Variants in AHNAK2 observed in about 807,000 individuals in gnomAD.
AHNAK2 encodes AHNAK nucleoprotein 2, also known as protein AHNAK2.
A neutral mutation model predicts 30.7 loss-of-function variants in AHNAK2; 18 were observed. That is an observed-to-expected ratio of 0.59 (90% CI 0.41 to 0.87). AHNAK2 has a LOEUF of 0.87. Ranked by LOEUF, AHNAK2 falls within the 40% of genes least tolerant of loss-of-function variation. The probability of loss-of-function intolerance (pLI) is 0.00; values close to 1 mark genes in which losing one functional copy is unlikely to be tolerated. For missense variants in AHNAK2, 8,604 were observed against 7,373.0 expected (o/e 1.17, Z -6.11); for synonymous variants, 3,590 against 3,073.8 (o/e 1.17, Z -5.56).
rs1230454039 is a variant in AHNAK2, at chr14:104,952,737, G to A, written c.2714C>T (p.Pro905Leu). The change falls in exon 7 of 7, where the codon CCT (proline) becomes CTT (leucine). Residue 905 changes from proline (P) to leucine (L), a missense_variant. By Grantham distance (98) the Pro-to-Leu change is moderately conservative (BLOSUM62 -3). Transcript: ENST00000333244. ...TTTGGGGCCGGCTCCCTCGGGCACA[G>A]GGCCCTCCGGAAGTTTCACATCCAC... ...GQVDVKLPEG[P>L]VPEGAGPKVH... 5 of 1,612,506 alleles carry A rather than the reference G, an allele frequency of 3.1e-6. No individual in the cohort carries two copies. The highest frequency in any genetic ancestry group is 4.2e-6 in the Non-Finnish European group (5 of 1,179,556).
chr14:104,963,025 A>T (rs967095256), intron 1 of AHNAK2, among the ~76,000 whole-genome samples: 18 of 152,370 alleles, frequency 1.2e-4, no homozygotes, highest in African/African-American at 4.3e-4. Context: ...CTCATAATTT[A>T]AAACACTGGC....
chr14:104,957,602 G>A lies in AHNAK2; in HGVS notation c.114+12C>T. Reference sequence around the variant, plus strand: ...GTATGAGGAGGACACACTTCCTCCTGCTCTCACTTACAGAGTGGTCATCTT... The same window carrying A: ...GTATGAGGAGGACACACTTCCTCCTACTCTCACTTACAGAGTGGTCATCTT... On this transcript the variant is annotated intron_variant, in intron 2 of 6. Coordinates refer to ENST00000333244, the MANE Select transcript of AHNAK2 (RefSeq NM_138420.4). 1 of 1,609,602 alleles carries A rather than the reference G, an allele frequency of 6.2e-7. No homozygotes were observed. Among genetic ancestry groups the A allele is most frequent in the Non-Finnish European group, 8.5e-7 (1 of 1,178,364 alleles).
intron 4 of AHNAK2, among the ~76,000 whole-genome samples, chr14:104,956,089 G>A (rs113448957): frequency 0.017 from 2,621 of 152,246 alleles, 70 homozygotes; most frequent in African/African-American, 0.06. Flanking sequence ...TGCGAGACCT[G>A]GGACAGGATG....
At position 104,951,853 on chromosome 14, in the gene AHNAK2, G is replaced by A. The variant is rs200524362; in HGVS notation, c.3598C>T (p.Pro1200Ser). 829 of 1,602,446 alleles carry A rather than the reference G, an allele frequency of 5.2e-4. 13 individuals are homozygous for A. Among genetic ancestry groups the A allele is most frequent in the African/African-American group, 2.5e-3 (183 of 73,326 alleles). ...GTCTTGAGGTCCCCCTGCATGGAGG[G>A]GAGACTCACGTCGGCCTCCACTTTG... ...APKVEADVSL[P>S]SMQGDLKTTD... Residue 1200 changes from proline to serine, a missense_variant, in exon 7 of 7, where the codon CCC becomes TCC. Physicochemically the swap from Pro to Ser is moderately conservative, Grantham distance 74 (BLOSUM62 -1). Transcript: ENST00000333244.
intron 1 of AHNAK2, among the ~76,000 whole-genome samples, chr14:104,963,045 T>C (rs1274379567): frequency 6.6e-6 from 1 of 152,224 alleles, no homozygotes; most frequent in Non-Finnish European, 1.5e-5. Context: ...CCTTAAGAGC[T>C]TTCATTTTCC....
At position 104,950,686 on chromosome 14, in the gene AHNAK2, C is replaced by T. The variant is rs771103152; in HGVS notation, c.4765G>A (p.Val1589Met). 9 of 1,587,692 alleles carry T rather than the reference C, an allele frequency of 5.7e-6. 1 individual carries two copies. The highest frequency in any genetic ancestry group is 7.7e-6 in the Non-Finnish European group (9 of 1,162,890). ...TCTATCTGGGGCCCCTTGAGGTCCA[C>T]TTTGGGCATCTTGAAACTGGGCATC... ...VQMPSFKMPK[V>M]DLKGPQIDVK... Residue 1589 changes from valine to methionine, a missense_variant, in exon 7 of 7, where the codon GTG becomes ATG. By Grantham distance (21) the Val-to-Met change is conservative. Coordinates refer to ENST00000333244, the MANE Select transcript of AHNAK2 (RefSeq NM_138420.4).
chr14:104,946,442 C>G lies in AHNAK2; in HGVS notation c.9009G>C (p.Val3003=), dbSNP rs754492436. The G allele has an allele frequency of 2.5e-6, 4 of 1,612,296 alleles. No individual in the cohort carries two copies. The East Asian group carries it at 6.7e-5, about 27-fold the overall frequency. Residue 3003 remains valine (V), a synonymous_variant, in exon 7 of 7, where the codon GTG becomes GTC. Transcript: ENST00000333244. ...CTTCGGCCTCCACCTTCGGCGCAGA[C>G]ACATCCACCGAGACCTCAATGGACT... is the stretch of plus-strand genomic sequence containing the variant. The part of the protein sequence containing the change: ...PGKSIEVSVD[V]SAPKVEAEVS...
At chr14:104,962,715 C>A (rs962674055) in intron 1 of AHNAK2, among the ~76,000 whole-genome samples, 3 of 152,254 alleles carry the variant, frequency 2.0e-5, no homozygotes, top group African/African-American at 7.2e-5. Flanking sequence ...GCGTGAGCCA[C>A]CATGCCCGGC....
chr14:104,975,036 A>G (rs1899560539), intron 1 of AHNAK2, among the ~76,000 whole-genome samples: 1 of 152,256 alleles, frequency 6.6e-6, no homozygotes, highest in African/African-American at 2.4e-5. Context: ...GAGTGGGCCC[A>G]GCAACCCAGG....
At position 104,950,317 on chromosome 14, in the gene AHNAK2, A is replaced by C; in HGVS notation, c.5134T>G (p.Ser1712Ala). Residue 1712 changes from serine (S) to alanine (A), a missense_variant, in exon 7 of 7, where the codon TCC becomes GCC. Ser to Ala is a moderately conservative substitution (Grantham distance 99, BLOSUM62 1). Transcript: ENST00000333244. ...CCAGCCTGGACCTCCAGGTCGGCGGAAGGGGACTGAATGCTGAGGTCAGTG... is the reference window on the plus strand; with the variant it reads ...CCAGCCTGGACCTCCAGGTCGGCGGCAGGGGACTGAATGCTGAGGTCAGTG... ...KTTDLSIQSP[S>A]ADLEVQAGQV... The C allele has an allele frequency of 1.3e-6, 2 of 1,584,536 alleles. No homozygotes were observed. The highest frequency in any genetic ancestry group is 1.7e-6 in the Non-Finnish European group (2 of 1,162,340).
chr14:104,942,618 A>C lies in AHNAK2; in HGVS notation c.12833T>G (p.Val4278Gly). The change falls in exon 7 of 7, where the codon GTG (valine) becomes GGG (glycine). Residue 4278 changes from valine to glycine, a missense_variant. Val to Gly is a moderately radical substitution (Grantham distance 109). Coordinates refer to ENST00000333244, the MANE Select transcript of AHNAK2 (RefSeq NM_138420.4). ...TAGGGACAGGTCACCCTCCAGCCGC[A>C]CACTGTCCAGCTTGGCTCCCGGGGC... ...VEAPGAKLDS[V>G]RLEGDLSLAD... 1 of 1,612,366 alleles carries C rather than the reference A, an allele frequency of 6.2e-7. No individual in the cohort carries two copies. The highest frequency in any genetic ancestry group is 8.5e-7 in the Non-Finnish European group (1 of 1,179,282).
rs775235813 is a variant in AHNAK2 at position 104,954,228 on chromosome 14, G to A, written c.1223C>T (p.Thr408Ile). 1 of 1,611,554 alleles carries A rather than the reference G, an allele frequency of 6.2e-7. No homozygotes were observed. Among genetic ancestry groups the A allele is most frequent in the Non-Finnish European group, 8.5e-7 (1 of 1,179,824 alleles). The change falls in exon 7 of 7, where the codon ACC (threonine) becomes ATC (isoleucine). Residue 408 changes from threonine to isoleucine, a missense_variant. Coordinates refer to ENST00000333244, the MANE Select transcript of AHNAK2 (RefSeq NM_138420.4). This position sits in a 1 kb window ranked among gnomAD's most constrained non-coding sequence, Gnocchi z 4.3. Reference protein sequence around the residue: ...ELGDPRLCEGTPQEGGLRAAR... With the variant: ...ELGDPRLCEGIPQEGGLRAAR... ...TGCCCTGAGTCCCCCTTCCTGAGGG[G>A]TTCCCTCGCAAAGTCTAGGGTCACC... is the stretch of plus-strand genomic sequence containing the variant.
Position 104,949,922 on chromosome 14 carries a change from C to G in AHNAK2, c.5529G>C (p.Glu1843Asp). Residue 1843 changes from glutamate (E) to aspartate (D), a missense_variant, in exon 7 of 7, where the codon GAG becomes GAC. By Grantham distance (45) the Glu-to-Asp change is conservative. Transcript: ENST00000333244. ...FGVSAPGKSI[E>D]ASVDVSAPKV... is the part of the protein sequence containing the mutation. ...TCGGCGCAGACACATCCACCGAGGC[C>G]TCGATGGACTTGCCTGGGGCAGACA... 1 of 1,589,798 alleles carries G rather than the reference C, an allele frequency of 6.3e-7. No homozygotes were observed.
Position 104,947,045 on chromosome 14 carries a change from G to A in AHNAK2, c.8406C>T (p.Ala2802=), listed in dbSNP as rs374049138. The A allele has an allele frequency of 6.1e-5, 98 of 1,611,976 alleles. 1 individual carries two copies. The highest frequency in any genetic ancestry group is 7.1e-5 in the Non-Finnish European group (84 of 1,179,532). The change falls in exon 7 of 7, where the codon GCC becomes GCT. Residue 2802 remains alanine (A), a synonymous_variant. Coordinates refer to ENST00000333244, the MANE Select transcript of AHNAK2 (RefSeq NM_138420.4). ...TGTCTTTGGCTGTCATGCCCTTGTCGGCCAGGGACAGGTCCCCCTCCAGCC... is the reference window on the plus strand; with the variant it reads ...TGTCTTTGGCTGTCATGCCCTTGTCAGCCAGGGACAGGTCCCCCTCCAGCC... The part of the protein sequence containing the change: ...GARLEGDLSL[A]DKGMTAKDSK...
chr14:104,960,161 T>C (rs943569986), intron 1 of AHNAK2, among the ~76,000 whole-genome samples: 1 of 152,228 alleles, frequency 6.6e-6, no homozygotes, highest in Non-Finnish European at 1.5e-5. Context: ...TAACACCATA[T>C]TGTTAGGATT....
In AHNAK2 at chr14:104,942,581, G is replaced by C. The variant is rs369978766; in HGVS notation, c.12870C>G (p.Asp4290Glu). ...LEGDLSLADK[D>E]MTAKDSKFKM... is the part of the protein sequence containing the mutation. ...TGAACTTGCTGTCTTTGGCAGTCATGTCCTTGTCGGCTAGGGACAGGTCAC... is the reference window on the plus strand; with the variant it reads ...TGAACTTGCTGTCTTTGGCAGTCATCTCCTTGTCGGCTAGGGACAGGTCAC... The change falls in exon 7 of 7, where the codon GAC (aspartate) becomes GAG (glutamate). Residue 4290 changes from aspartate (D) to glutamate (E), a missense_variant. Transcript: ENST00000333244. 1 of 1,612,642 alleles carries C rather than the reference G, an allele frequency of 6.2e-7. No individual in the cohort carries two copies. The highest frequency in any genetic ancestry group is 8.5e-7 in the Non-Finnish European group (1 of 1,179,418).
chr14:104,963,674 C>CA (rs1382385571), intron 1 of AHNAK2, among the ~76,000 whole-genome samples: 17 of 151,774 alleles, frequency 1.1e-4, no homozygotes, highest in Admixed American at 2.6e-4. Context: ...TCTAAAAATA[C>CA]AAAAAATTAG....
intron 1 of AHNAK2, among the ~76,000 whole-genome samples, chr14:104,964,087 A>G (rs1899231843): frequency 6.6e-6 from 1 of 152,336 alleles, no homozygotes; most frequent in African/African-American, 2.4e-5. Context: ...GATACCTGCA[A>G]TACATTTACC....
chr14:104,944,482 T>C lies in AHNAK2; in HGVS notation c.10969A>G (p.Met3657Val), dbSNP rs748836823. 7 of 1,613,060 alleles carry C rather than the reference T, an allele frequency of 4.3e-6. No homozygotes were observed. The highest frequency in any genetic ancestry group is 1.1e-5 in the South Asian group (1 of 90,994). Residue 3657 changes from methionine to valine, a missense_variant, in exon 7 of 7, where the codon ATG (methionine) becomes GTG (valine). Transcript: ENST00000333244. ...GCAGACACATCCACCGAGGCCTCCA[T>C]GGACTTCCCTGGGGCCGATACCCTG... is the stretch of plus-strand genomic sequence containing the variant. ...SFRVSAPGKSMEASVDVSAPK... is the reference protein window; with the variant it reads ...SFRVSAPGKSVEASVDVSAPK...
Sources: allele counts gnomAD v4.1 joint callset (sites outside exome capture counted in the v4.1 genomes callset), GRCh38; gene constraint gnomAD v4.1.1; non-coding constraint Gnocchi (gnomAD v3.1); transcripts MANE v1.5; gene names NCBI Gene and HGNC (gene_info 2026-07-23, HGNC 2026-07-21).